The following NUP188 variants were observed in gnomAD, a reference collection of about 807,000 sequenced individuals.
The protein encoded by NUP188 is nucleoporin NUP188.
NUP188 carries 97 observed loss-of-function variants against 223.0 expected under a neutral mutation model. The ratio of observed to expected loss-of-function variants is 0.43; its 90% CI spans 0.37 to 0.51. NUP188 has a LOEUF of 0.51. Ranked by LOEUF, NUP188 falls within the 20% of genes least tolerant of loss-of-function variation. The probability of loss-of-function intolerance (pLI) is 0.00; values close to 1 mark genes in which losing one functional copy is unlikely to be tolerated. For missense variants in NUP188, 1,947 were observed against 2,175.6 expected (o/e 0.89, Z 2.09); for synonymous variants, 869 against 828.0 (o/e 1.05, Z -0.85).
intron 32 of NUP188, 90 bp downstream of exon 32, chr9:128,998,713 A>T (rs2131186721): frequency 9.4e-7 from 1 of 1,058,578 alleles, no homozygotes; most frequent in Non-Finnish European, 1.4e-6. Context: ...TAGTGGGTGG[A>T]AGCTGGGCTG....
chr9:128,970,440 G>A (rs1264969037), intron 10 of NUP188, among the ~76,000 whole-genome samples: 1 of 152,158 alleles, frequency 6.6e-6, no homozygotes, highest in Non-Finnish European at 1.5e-5. Flanking sequence ...GAGATGGTTA[G>A]GAAGATAGAA....
chr9:128,959,517 T>A (rs1489895398), intron 8 of NUP188, among the ~76,000 whole-genome samples: 1 of 150,552 alleles, frequency 6.6e-6, no homozygotes, highest in African/African-American at 2.4e-5. Context: ...ATTTAAAACA[T>A]ACAGATTATC....
At position 128,956,450 on chromosome 9, in the gene NUP188, C is replaced by T; in HGVS notation, c.246+16C>T. 3 of 1,410,802 alleles carry T rather than the reference C, an allele frequency of 2.1e-6. No individual in the cohort carries two copies. Among genetic ancestry groups the T allele is most frequent in the Non-Finnish European group, 2.9e-6 (3 of 1,022,216 alleles). 87.4% of individuals were successfully genotyped at this position (1,410,802 alleles called of 1,614,324 possible). A position where few individuals can be genotyped will look rare whatever the true frequency, so the allele number is the denominator to read the frequency against. ...CAAGTTTTTGGTGAGTAAAAATTAG[C>T]ACTCGCTCAATTTATTACTTGCAGT... On this transcript the variant is annotated intron_variant, in intron 4 of 43. Coordinates refer to ENST00000372577, the MANE Select transcript of NUP188 (RefSeq NM_015354.3).
intron 2 of NUP188, among the ~76,000 whole-genome samples, chr9:128,951,052 C>T (rs1200252746): frequency 6.6e-6 from 1 of 152,170 alleles, no homozygotes. Flanking sequence ...TGGCTCACGC[C>T]TGTAATCCCA....
Position 128,987,567 on chromosome 9 carries a change from TCAG to T in NUP188, c.2265-21_2265-19del, listed in dbSNP as rs1842355786. 2.5e-6 allele frequency: 4 copies of T among 1,603,052 alleles called. No individual in the cohort carries two copies. The highest frequency in any genetic ancestry group is 3.4e-6 in the Non-Finnish European group (4 of 1,174,862). On this transcript the variant is annotated intron_variant, in intron 22 of 43. Coordinates refer to ENST00000372577, the MANE Select transcript of NUP188 (RefSeq NM_015354.3). ...ATACACTGAGTGGCTCCCTGGTAAC[TCAG>T]AATACCTCTGTCTTCCAGTCATACT... is the stretch of plus-strand genomic sequence containing the variant.
At position 128,980,146 on chromosome 9, in the gene NUP188, A is replaced by G. The variant is rs114146133; in HGVS notation, c.1270-460A>G. ...CAACAGTCTCAAACCTCAAGATCCA[A>G]CTGATGATCTACCTGTGTATTTTAC... is the stretch of plus-strand genomic sequence containing the variant. On this transcript the variant is annotated intron_variant, in intron 13 of 43. Coordinates refer to ENST00000372577, the MANE Select transcript of NUP188 (RefSeq NM_015354.3). Among the ~76,000 whole-genome samples, 316 of 152,332 alleles carry G rather than the reference A, an allele frequency of 2.1e-3. 1 individual carries two copies. The highest frequency in any genetic ancestry group is 7.3e-3 in the African/African-American group (304 of 41,574).
chr9:129,000,330 A>G (rs1842619265), intron 34 of NUP188, among the ~76,000 whole-genome samples: 1 of 152,098 alleles, frequency 6.6e-6, no homozygotes, highest in African/African-American at 2.4e-5. Flanking sequence ...AAATTAGCAC[A>G]TTTTGTTACA....
chr9:128,965,874 C>T (rs1157458855), intron 8 of NUP188, among the ~76,000 whole-genome samples: 4 of 150,566 alleles, frequency 2.7e-5, no homozygotes, highest in Admixed American at 6.6e-5. Context: ...CTTGGCTCAC[C>T]GCAACCTCTG....
intron 2 of NUP188, among the ~76,000 whole-genome samples, chr9:128,950,556 C>T (rs1011228956): frequency 7.2e-5 from 11 of 152,048 alleles, no homozygotes; most frequent in African/African-American, 2.4e-4. Flanking sequence ...ACTTTATAAA[C>T]GTGGTCAGAT....
intron 22 of NUP188, among the ~76,000 whole-genome samples, 188 bp downstream of exon 22, chr9:128,987,063 ATGAG>A (rs1842343296): frequency 2.4e-5 from 2 of 84,482 alleles, no homozygotes; most frequent in Non-Finnish European, 5.2e-5. Context: ...AGAAGTAGGA[ATGAG>A]AGAGAGAGAG....
At chr9:128,965,539 A>T (rs2131150330) in intron 8 of NUP188, among the ~76,000 whole-genome samples, 1 of 152,152 alleles carries the variant, frequency 6.6e-6, no homozygotes, top group East Asian at 1.9e-4. Context: ...TGCAACATCC[A>T]CTTCTAGGGC....
In NUP188 at chr9:128,982,980, C is replaced by T. The variant is rs1324925893; in HGVS notation, c.1748C>T (p.Ala583Val). The T allele has an allele frequency of 6.2e-7, 1 of 1,614,128 alleles. No homozygotes were observed. Among genetic ancestry groups the T allele is most frequent in the South Asian group, 1.1e-5 (1 of 91,084 alleles). Residue 583 changes from alanine (A) to valine (V), a missense_variant, in exon 17 of 44, where the codon GCA becomes GTA. By Grantham distance (64) the Ala-to-Val change is moderately conservative. Around this residue, in one of 3 missense-constraint regions of NUP188, gnomAD observed 817 missense variants for 865.8 expected, o/e 0.94. Transcript: ENST00000372577. ...GTCATCAGTACAGACCTGTCGATAG[C>T]AGACTGTCTCCTGCCCATCACATCT... ...HKVISTDLSI[A>V]DCLLPITSRI...
At chr9:129,003,268 A>G in intron 37 of NUP188, 49 bp from the exon 38 acceptor site, 1 of 1,572,416 alleles carries the variant, frequency 6.4e-7, no homozygotes, top group Non-Finnish European at 8.6e-7. Context: ...TGGGTATGTC[A>G]GGTCCCTCAG....
rs1237946442 is a variant in NUP188 at position 128,970,860 on chromosome 9, A to G, written c.1015A>G (p.Ser339Gly). 3.7e-6 allele frequency: 6 copies of G among 1,614,176 alleles called. No homozygotes were observed. Among genetic ancestry groups the G allele is most frequent in the Non-Finnish European group, 5.1e-6 (6 of 1,180,026 alleles). The part of the protein sequence containing the change: ...LRHTLNPEET[S>G]SVVRKIGGTA... ...TCACACTCTGAACCCAGAAGAGACAAGCAGTGTGGTCCGGAAGATAGGTGG... is the reference window on the plus strand; with the variant it reads ...TCACACTCTGAACCCAGAAGAGACAGGCAGTGTGGTCCGGAAGATAGGTGG... The change falls in exon 11 of 44, where the codon AGC (serine) becomes GGC (glycine). Residue 339 changes from serine to glycine, a missense_variant. Ser to Gly is a moderately conservative substitution (Grantham distance 56, BLOSUM62 0). Around this residue, in one of 3 missense-constraint regions of NUP188, gnomAD observed 817 missense variants for 865.8 expected, o/e 0.94. Transcript: ENST00000372577.
intron 13 of NUP188, among the ~76,000 whole-genome samples, chr9:128,979,660 T>C (rs1195130382): frequency 6.6e-6 from 1 of 151,376 alleles, no homozygotes; most frequent in East Asian, 1.9e-4. Flanking sequence ...TGAGATGGAG[T>C]CTTGCTCTGT....
intron 2 of NUP188, among the ~76,000 whole-genome samples, chr9:128,950,813 G>A (rs1448494570): frequency 2.6e-5 from 4 of 152,098 alleles, no homozygotes; most frequent in Non-Finnish European, 4.4e-5. Context: ...GAGACACATC[G>A]AGACCCCAGC....
At chr9:128,964,818 G>T (rs1310732880) in intron 8 of NUP188, among the ~76,000 whole-genome samples, 2 of 150,332 alleles carry the variant, frequency 1.3e-5, no homozygotes, top group Non-Finnish European at 2.9e-5. Context: ...GGATTCTGCT[G>T]CCTCCAGCCT....
chr9:128,992,650 G>A (rs1470182192), intron 25 of NUP188, among the ~76,000 whole-genome samples: 2 of 151,574 alleles, frequency 1.3e-5, no homozygotes, highest in African/African-American at 4.9e-5. Context: ...TTTAATGTTT[G>A]CATATCACAT....
At position 128,982,958 on chromosome 9, in the gene NUP188, A is replaced by G. The variant is rs1430049173; in HGVS notation, c.1726A>G (p.Ile576Val). The G allele has an allele frequency of 2.5e-6, 4 of 1,614,030 alleles. No individual in the cohort carries two copies. Among genetic ancestry groups the G allele is most frequent in the Admixed American group, 3.3e-5 (2 of 59,992 alleles). Residue 576 changes from isoleucine to valine, a missense_variant, in exon 17 of 44, where the codon ATC becomes GTC. By Grantham distance (29) the Ile-to-Val change is conservative. This residue lies in a region of NUP188 where 817 missense variants were observed against 865.8 expected (regional missense o/e 0.94). Coordinates refer to ENST00000372577, the MANE Select transcript of NUP188 (RefSeq NM_015354.3). Reference protein sequence around the residue: ...KPIIDLVHKVISTDLSIADCL... With the variant: ...KPIIDLVHKVVSTDLSIADCL... Reference sequence around the variant, plus strand: ...CATCATTGATCTCGTCCATAAGGTCATCAGTACAGACCTGTCGATAGCAGA... The same window carrying G: ...CATCATTGATCTCGTCCATAAGGTCGTCAGTACAGACCTGTCGATAGCAGA...
Sources: gnomAD v4.1 joint callset for allele counts (sites outside exome capture counted in the v4.1 genomes callset) on GRCh38, gnomAD v4.1.1 for gene constraint, gnomAD v4.1.1 regional missense constraint, MANE v1.5 for transcripts, NCBI Gene and HGNC (gene_info 2026-07-23, HGNC 2026-07-21) for gene names.